CDH7: variants seen among roughly 807,000 people sequenced by gnomAD.
CDH7 encodes cadherin-7.
CDH7 carries 25 observed loss-of-function variants against 71.8 expected under a neutral mutation model. The ratio of observed to expected loss-of-function variants is 0.35; its 90% CI spans 0.25 to 0.49. The LOEUF (loss-of-function observed/expected upper bound fraction) is 0.49, where lower values mean the gene tolerates loss of function less well. Ranked by LOEUF, CDH7 falls within the 20% of genes least tolerant of loss-of-function variation. The pLI is 0.99. For missense variants in CDH7, 862 were observed against 974.6 expected (o/e 0.88, Z 1.54); for synonymous variants, 381 against 363.8 (o/e 1.05, Z -0.54).
At chr18:65,850,994 G>A (rs1010854168) in intron 7 of CDH7, among the ~76,000 whole-genome samples, 4 of 151,862 alleles carry the variant, frequency 2.6e-5, no homozygotes, top group African/African-American at 9.7e-5. Context: ...TGTAGAGATG[G>A]GGCTTTGCCA....
chr18:65,840,596 G>C (rs940690328), intron 6 of CDH7, among the ~76,000 whole-genome samples: 2 of 152,114 alleles, frequency 1.3e-5, no homozygotes, highest in East Asian at 3.9e-4. Flanking sequence ...TTGTGGTAGT[G>C]AATATGTCTC....
chr18:65,778,936 T>A (rs1227614109), intron 2 of CDH7, among the ~76,000 whole-genome samples: 1 of 152,146 alleles, frequency 6.6e-6, no homozygotes, highest in Non-Finnish European at 1.5e-5. Context: ...CACCTGAGAT[T>A]TCTTTTTCTA....
chr18:65,863,964 G>A (rs1335911353), intron 11 of CDH7: 1 of 152,150 alleles, frequency 6.6e-6, no homozygotes, highest in African/African-American at 2.4e-5. Context: ...TATGGTGAAT[G>A]TTCAATAAAT....
At chr18:65,752,265 A>T (rs1224218584) in intron 1 of CDH7, among the ~76,000 whole-genome samples, 2 of 152,270 alleles carry the variant, frequency 1.3e-5, no homozygotes, top group Non-Finnish European at 2.9e-5. Flanking sequence ...TTGTTAATAT[A>T]TGGCCCTTGC....
At chr18:65,773,863 C>T (rs1916619119) in intron 2 of CDH7, among the ~76,000 whole-genome samples, 1 of 151,924 alleles carries the variant, frequency 6.6e-6, no homozygotes, top group Non-Finnish European at 1.5e-5. Context: ...TAGGATGACA[C>T]TTATTTCTAG....
rs886083839 is a variant in CDH7, at chr18:65,888,990, T to C, written c.*8096T>C. ...CTTCTTTGTGATTCTTTTTTAAAAA[T>C]AATTTAATCAGGAAGTGACATTAAA... On this transcript the variant is annotated 3_prime_UTR_variant, in exon 12 of 12. Transcript: ENST00000397968. 2 of 152,210 alleles carry C rather than the reference T, an allele frequency of 1.3e-5. No individual in the cohort carries two copies. Among genetic ancestry groups the C allele is most frequent in the Non-Finnish European group, 2.9e-5 (2 of 68,024 alleles). 9.4% of individuals were successfully genotyped at this position (152,210 alleles called of 1,614,324 possible).
In CDH7 at chr18:65,885,038, A is replaced by T. The variant is rs1204521521; in HGVS notation, c.*4144A>T. On this transcript the variant is annotated 3_prime_UTR_variant, in exon 12 of 12. Transcript: ENST00000397968. Reference sequence around the variant, plus strand: ...GTATGTTTATTTTTTAATTATTAATAATGTATATTGTGTGTATATATGACG... The same window carrying T: ...GTATGTTTATTTTTTAATTATTAATTATGTATATTGTGTGTATATATGACG... 1 of 152,220 alleles carries T rather than the reference A, an allele frequency of 6.6e-6. No individual in the cohort carries two copies. Among genetic ancestry groups the T allele is most frequent in the Non-Finnish European group, 1.5e-5 (1 of 68,034 alleles). The allele number at this position is 152,220 out of a possible 1,614,324, so 9.4% of individuals were successfully genotyped here.
intron 11 of CDH7, chr18:65,865,609 T>G (rs1478151306): frequency 6.6e-6 from 1 of 152,166 alleles, no homozygotes. Flanking sequence ...ATCAGTATCA[T>G]CAAATGCTAC....
chr18:65,824,466 T>C (rs1268353009), intron 5 of CDH7, among the ~76,000 whole-genome samples, 178 bp from the exon 6 acceptor site: 4 of 152,034 alleles, frequency 2.6e-5, no homozygotes, highest in East Asian at 1.9e-4. Context: ...AACTAATCAT[T>C]CCCATCATAC....
intron 7 of CDH7, among the ~76,000 whole-genome samples, chr18:65,856,378 G>A (rs1276167227): frequency 6.6e-6 from 1 of 152,164 alleles, no homozygotes; most frequent in Non-Finnish European, 1.5e-5. Context: ...AAATTGGTAA[G>A]AGATGTGAGG....
chr18:65,854,475 G>A (rs1437597858), intron 7 of CDH7, among the ~76,000 whole-genome samples: 1 of 151,466 alleles, frequency 6.6e-6, no homozygotes, highest in African/African-American at 2.4e-5. Flanking sequence ...AATACTGGTT[G>A]GAGACCAGTT....
chr18:65,876,483 C>T (rs373700933), intron 11 of CDH7, among the ~76,000 whole-genome samples: 1 of 152,136 alleles, frequency 6.6e-6, no homozygotes, highest in Non-Finnish European at 1.5e-5. Context: ...CAGCTCCAAC[C>T]TTACCTCACC....
chr18:65,782,524 T>G (rs930168284), intron 2 of CDH7, among the ~76,000 whole-genome samples: 3 of 152,062 alleles, frequency 2.0e-5, no homozygotes, highest in Non-Finnish European at 4.4e-5. Context: ...AGCAAAATTT[T>G]CTTTTGGATG....
At chr18:65,801,705 C>T (rs1330796399) in intron 2 of CDH7, among the ~76,000 whole-genome samples, 1 of 152,180 alleles carries the variant, frequency 6.6e-6, no homozygotes, top group East Asian at 1.9e-4. Flanking sequence ...TTTGTCTAGG[C>T]ATTGGCTTCC....
rs569450842 is a variant in CDH7, at chr18:65,882,753, T to C, written c.*1859T>C. 1 of 152,226 alleles carries C rather than the reference T, an allele frequency of 6.6e-6. No homozygotes were observed. The highest frequency in any genetic ancestry group is 2.4e-5 in the African/African-American group (1 of 41,560). The allele number at this position is 152,226 out of a possible 1,614,324, so 9.4% of individuals were successfully genotyped here. On this transcript the variant is annotated 3_prime_UTR_variant, in exon 12 of 12. Coordinates refer to ENST00000397968, the MANE Select transcript of CDH7 (RefSeq NM_004361.5). ...AAAATTATAACAGTGAAAGATACTGTTCATAACTTTTAATCACACATGCAA... is the reference window on the plus strand; with the variant it reads ...AAAATTATAACAGTGAAAGATACTGCTCATAACTTTTAATCACACATGCAA...
In CDH7 at chr18:65,822,143, A is replaced by C; in HGVS notation, c.688A>C (p.Ile230Leu). 6.2e-7 allele frequency: 1 copy of C among 1,611,040 alleles called. No individual in the cohort carries two copies. Among genetic ancestry groups the C allele is most frequent in the African/African-American group, 1.3e-5 (1 of 74,970 alleles). Residue 230 changes from isoleucine (I) to leucine (L), a missense_variant, in exon 5 of 12, where the codon ATT becomes CTT. Physicochemically the swap from Ile to Leu is conservative, Grantham distance 5 (BLOSUM62 2). Coordinates refer to ENST00000397968, the MANE Select transcript of CDH7 (RefSeq NM_004361.5). Reference protein sequence around the residue: ...REAKDQYLLVIQAKDMVGQNG... With the variant: ...REAKDQYLLVLQAKDMVGQNG... ...GGCTAAAGACCAGTATTTGCTTGTC[A>C]TTCAGGCAAAGGATATGGTTGGTCA...
In CDH7 at chr18:65,810,673, C is replaced by G. The variant is rs137907480; in HGVS notation, c.505+675C>G. On this transcript the variant is annotated intron_variant, in intron 3 of 11. Transcript: ENST00000397968. The stretch of plus-strand genomic sequence containing the variant: ...TCACCTAGTATTAAGCCCAGCATCA[C>G]TAAGCTACTCTTCCTGATGCTCTTC... Among the ~76,000 whole-genome samples the G allele has an allele frequency of 4.4e-3, 677 of 152,206 alleles. 4 individuals are homozygous for G. The highest frequency in any genetic ancestry group is 6.6e-3 in the Non-Finnish European group (448 of 68,012).
intron 1 of CDH7, among the ~76,000 whole-genome samples, chr18:65,757,888 A>G (rs1400843874): frequency 1.3e-5 from 2 of 152,108 alleles, no homozygotes; most frequent in Non-Finnish European, 1.5e-5. Flanking sequence ...TTTTTCTGAC[A>G]TGAATCTTGT....
intron 7 of CDH7, among the ~76,000 whole-genome samples, chr18:65,855,325 G>T (rs1262544118): frequency 1.4e-5 from 2 of 145,788 alleles, no homozygotes; most frequent in Non-Finnish European, 3.0e-5. Context: ...CCTAAATATT[G>T]ATAAACGTCT....
Sources: gnomAD v4.1 joint callset for allele counts (sites outside exome capture counted in the v4.1 genomes callset) on GRCh38, gnomAD v4.1.1 for gene constraint, MANE v1.5 for transcripts, NCBI Gene and HGNC (gene_info 2026-07-23, HGNC 2026-07-21) for gene names.